Variants in FRAS1 observed in about 807,000 individuals in gnomAD.
The protein encoded by FRAS1 is extracellular matrix organizing protein FRAS1.
Under a neutral mutation model 435.2 loss-of-function variants are expected in FRAS1, and 290 were observed. That is an observed-to-expected ratio of 0.67 (90% CI 0.61 to 0.73). The LOEUF is 0.73. Among genes scored for constraint, FRAS1 ranks in the 30% least tolerant of loss-of-function variants. The pLI is 0.00. For synonymous variants in FRAS1, 1,800 were observed against 1,851.0 expected, an observed-to-expected ratio of 0.97 and a Z score of 0.71; for missense variants, 4,860 against 5,001.5, an observed-to-expected ratio of 0.97 and a Z score of 0.85.
chr4:78,464,399 G>GTGC, intron 48 of FRAS1, 44 bp from the exon 49 acceptor site: 1 of 1,612,842 alleles, frequency 6.2e-7, no homozygotes, highest in Non-Finnish European at 8.5e-7. Flanking sequence ...TGTTGGGTAG[G>GTGC]TGCTAGGGAC....
rs1428896456 is a variant in FRAS1, at chr4:78,432,371, T to C, written c.4984T>C (p.Tyr1662His). 5.0e-6 allele frequency: 8 copies of C among 1,600,740 alleles called. No individual in the cohort carries two copies. In the Admixed American group the frequency reaches 1.4e-4, roughly 27 times the overall value. Residue 1662 changes from tyrosine (Y) to histidine (H), a missense_variant, in exon 38 of 74, where the codon TAT (tyrosine) becomes CAT (histidine). By Grantham distance (83) the Tyr-to-His change is moderately conservative (BLOSUM62 2). Coordinates refer to ENST00000512123, the MANE Select transcript of FRAS1 (RefSeq NM_025074.7). Reference sequence around the variant, plus strand: ...ATTCTTGGAAGGTGACACTTTCACCTATGAGGATGTTGAGAAAAATGCTCT... The same window carrying C: ...ATTCTTGGAAGGTGACACTTTCACCCATGAGGATGTTGAGAAAAATGCTCT... ...RPMATGDTFTYEDVEKNALQY... is the reference protein window; with the variant it reads ...RPMATGDTFTHEDVEKNALQY...
intron 47 of FRAS1, among the ~76,000 whole-genome samples, chr4:78,463,373 T>C (rs796920780): frequency 6.6e-6 from 1 of 152,328 alleles, no homozygotes; most frequent in African/African-American, 2.4e-5. Flanking sequence ...ATATTGTTTT[T>C]CCAGGTCATT....
chr4:78,379,671 G>C, intron 26 of FRAS1, 55 bp from the exon 27 acceptor site: 1 of 1,529,456 alleles, frequency 6.5e-7, no homozygotes. Flanking sequence ...AGGGGAAAGT[G>C]ACCTAATTAG....
At chr4:78,140,667 A>G (rs1461281895) in intron 2 of FRAS1, among the ~76,000 whole-genome samples, 2 of 141,210 alleles carry the variant, frequency 1.4e-5, no homozygotes, top group African/African-American at 3.2e-5. Flanking sequence ...GTATATACAT[A>G]TGTGTATATG....
At chr4:78,516,070 G>A (rs188219302) in intron 66 of FRAS1, 57 bp downstream of exon 66, 2 of 1,380,538 alleles carry the variant, frequency 1.4e-6, no homozygotes, top group East Asian at 2.4e-5. Context: ...GGTCAACCTT[G>A]TTTGTTCCTG....
chr4:78,410,569 T>C (rs989111584), intron 31 of FRAS1, among the ~76,000 whole-genome samples: 8 of 152,288 alleles, frequency 5.3e-5, no homozygotes, highest in Admixed American at 1.3e-4. Flanking sequence ...AACTCCTGTG[T>C]GAAATTGCCT....
chr4:78,417,942 C>T (rs942088092), intron 32 of FRAS1, among the ~76,000 whole-genome samples: 4 of 152,220 alleles, frequency 2.6e-5, no homozygotes, highest in East Asian at 3.8e-4. Context: ...CTGACCCAGG[C>T]GAGGGGCCCC....
At position 78,099,987 on chromosome 4, in the gene FRAS1, T is replaced by A. The variant is rs116857532; in HGVS notation, c.108+33971T>A. On this transcript the variant is annotated intron_variant, in intron 2 of 73. Coordinates refer to ENST00000512123, the MANE Select transcript of FRAS1 (RefSeq NM_025074.7). ...GCCTGAGAAGGAAACTGGTGTTGAA[T>A]GGGGAAGACAGGGTTTGTTTAGTGA... Among the ~76,000 whole-genome samples, 651 of 152,278 alleles carry A rather than the reference T, an allele frequency of 4.3e-3. 8 individuals carry two copies. The highest frequency in any genetic ancestry group is 0.042 in the East Asian group (219 of 5,190).
chr4:78,426,065 G>T (rs111335141), intron 35 of FRAS1, among the ~76,000 whole-genome samples: 89 of 152,238 alleles, frequency 5.8e-4, no homozygotes, highest in Middle Eastern at 3.4e-3. Context: ...ACTCTAGCTG[G>T]GTGACAGAGT....
intron 2 of FRAS1, among the ~76,000 whole-genome samples, chr4:78,232,196 G>A (rs541072156): frequency 6.6e-6 from 1 of 152,148 alleles, no homozygotes; most frequent in South Asian, 2.1e-4. Flanking sequence ...GAAAAACATG[G>A]CCATCTGTCC....
chr4:78,123,176 G>A (rs915049903), intron 2 of FRAS1, among the ~76,000 whole-genome samples: 3 of 152,212 alleles, frequency 2.0e-5, no homozygotes, highest in Non-Finnish European at 4.4e-5. Context: ...AAAGGGTCCA[G>A]TTTGAGTTTT....
At chr4:78,293,941 G>A (rs1728025791) in intron 14 of FRAS1, among the ~76,000 whole-genome samples, 1 of 152,200 alleles carries the variant, frequency 6.6e-6, no homozygotes, top group Non-Finnish European at 1.5e-5. Context: ...GCCTGCCACA[G>A]ATGCCACAGA....
At chr4:78,076,947 T>C (rs1418890633) in intron 2 of FRAS1, among the ~76,000 whole-genome samples, 1 of 152,182 alleles carries the variant, frequency 6.6e-6, no homozygotes, top group African/African-American at 2.4e-5. Flanking sequence ...ATATAAAGTA[T>C]AATAAAAGAA....
chr4:78,245,247 A>G lies in FRAS1; in HGVS notation c.231A>G (p.Gln77=), dbSNP rs368398840. 1.2e-6 allele frequency: 2 copies of G among 1,606,906 alleles called. No individual in the cohort carries two copies. The highest frequency in any genetic ancestry group is 1.1e-5 in the South Asian group (1 of 89,214). The change falls in exon 4 of 74, where the codon CAA becomes CAG. Residue 77 remains glutamine, a synonymous_variant. Coordinates refer to ENST00000512123, the MANE Select transcript of FRAS1 (RefSeq NM_025074.7). ...QCAFEKGEVL[Q]IAANQCCPEC... is the part of the protein sequence containing the mutation. ...TAAATGCTCAGGGAGAAGTGCTTCA[A>G]ATAGCTGCCAACCAATGCTGTCCTG...
chr4:78,369,948 C>T lies in FRAS1; in HGVS notation c.2833C>T (p.Gln945Ter). ...ATGTCAATACGAGAGCTGCGCCCCA[C>T]AGTACTATCTTGACTTCTCCACCAA... is the stretch of plus-strand genomic sequence containing the variant. ...GECQYESCAPQYYLDFSTNTC... is the reference protein window; with the variant it reads ...GECQYESCAP Residue 945 changes from glutamine to a stop codon, truncating the protein, a stop_gained, in exon 23 of 74, where the codon CAG becomes TAG. Coordinates refer to ENST00000512123, the MANE Select transcript of FRAS1 (RefSeq NM_025074.7). LOFTEE classifies it high-confidence loss of function. 6.2e-7 allele frequency: 1 copy of T among 1,613,802 alleles called. No individual in the cohort carries two copies. The highest frequency in any genetic ancestry group is 8.5e-7 in the Non-Finnish European group (1 of 1,179,746).
At chr4:78,378,075 C>T (rs1025275991) in intron 26 of FRAS1, among the ~76,000 whole-genome samples, 7 of 152,044 alleles carry the variant, frequency 4.6e-5, no homozygotes, top group East Asian at 3.9e-4. Flanking sequence ...AGTTTCTCTC[C>T]GCTCCTGTCT....
chr4:78,430,792 A>G lies in FRAS1; in HGVS notation c.4969+375A>G, dbSNP rs546841646. Among the ~76,000 whole-genome samples the G allele has an allele frequency of 3.9e-5, 6 of 152,290 alleles. No homozygotes were observed. In the South Asian group the frequency reaches 1.2e-3, roughly 32 times the overall value. On this transcript the variant is annotated intron_variant, in intron 37 of 73. Transcript: ENST00000512123. ...TTAATTTGGTATGTGAATCTTCACA[A>G]TATTTTTAGCGCTGTGACTCTGATA...
intron 14 of FRAS1, among the ~76,000 whole-genome samples, chr4:78,288,039 G>A (rs1318642481): frequency 6.6e-6 from 1 of 152,188 alleles, no homozygotes; most frequent in Non-Finnish European, 1.5e-5. Flanking sequence ...ATGAATGAAT[G>A]AATGAGAATA....
At chr4:78,099,208 T>G (rs1741981394) in intron 2 of FRAS1, among the ~76,000 whole-genome samples, 1 of 152,204 alleles carries the variant, frequency 6.6e-6, no homozygotes, top group South Asian at 2.1e-4. Context: ...GATTAGTAAG[T>G]TCAGGGTGAC....
Sources: allele counts gnomAD v4.1 joint callset (sites outside exome capture counted in the v4.1 genomes callset), GRCh38; gene constraint gnomAD v4.1.1; transcripts MANE v1.5; gene names NCBI Gene and HGNC (gene_info 2026-07-23, HGNC 2026-07-21).